The following SLC29A1 variants were observed in gnomAD, a reference collection of about 807,000 sequenced individuals.
The protein encoded by SLC29A1 is equilibrative nucleoside transporter 1.
SLC29A1 carries 22 observed loss-of-function variants against 48.3 expected under a neutral mutation model. The observed-to-expected ratio is 0.46, with a 90% CI of 0.33 to 0.65. SLC29A1 has a LOEUF of 0.65. Ranked by LOEUF, SLC29A1 falls within the 30% of genes least tolerant of loss-of-function variation. The pLI is 0.03. For missense variants in SLC29A1, 491 were observed against 575.3 expected (o/e 0.85, Z 1.50); for synonymous variants, 228 against 231.0 (o/e 0.99, Z 0.12).
rs1561874128 is a variant in SLC29A1, at chr6:44,223,833, G to C, written c.-52+192G>C. The C allele has an allele frequency of 1.0e-6, 1 of 1,004,084 alleles. No homozygotes were observed. The highest frequency in any genetic ancestry group is 1.2e-6 in the Non-Finnish European group (1 of 841,598). 62.2% of individuals were successfully genotyped at this position (1,004,084 alleles called of 1,614,324 possible). On this transcript the variant is annotated intron_variant, in intron 1 of 12. Transcript: ENST00000371755. The surrounding 1 kb of genome is among the most constrained non-coding windows in gnomAD (Gnocchi z 5.0). The stretch of plus-strand genomic sequence containing the variant: ...GCGCGCACGGGCCAGGGAGCCTGAG[G>C]ACCCTGCGGGGACCGGGACCCAAGC...
intron 1 of SLC29A1, chr6:44,226,216 C>A: frequency 1.5e-6 from 1 of 656,492 alleles, no homozygotes; most frequent in Non-Finnish European, 1.9e-6. Flanking sequence ...TCACCCCAAA[C>A]AGCAAGGCCT....
At position 44,229,317 on chromosome 6, in the gene SLC29A1, G is replaced by T; in HGVS notation, c.30-73G>T. 8.4e-7 allele frequency: 1 copy of T among 1,192,200 alleles called. No individual in the cohort carries two copies. Among genetic ancestry groups the T allele is most frequent in the East Asian group, 2.3e-5 (1 of 42,956 alleles). 73.9% of individuals were successfully genotyped at this position (1,192,200 alleles called of 1,614,324 possible). On this transcript the variant is annotated intron_variant, in intron 2 of 12. Coordinates refer to ENST00000371755, the MANE Select transcript of SLC29A1 (RefSeq NM_001372327.1). The surrounding 1 kb of genome is among the most constrained non-coding windows in gnomAD (Gnocchi z 5.1). ...CTAGAGAGACTGACAACGGACAGGG[G>T]CTTTCCTGGGGCTCATTGTGGAGTG...
chr6:44,220,894 T>C (rs781216994), upstream of SLC29A1, among the ~76,000 whole-genome samples: 1 of 152,080 alleles, frequency 6.6e-6, no homozygotes, highest in Non-Finnish European at 1.5e-5. Context: ...TTTGTTTGTG[T>C]TTTCAGACAA....
At chr6:44,227,417 T>G in intron 2 of SLC29A1, 75 bp downstream of exon 2, 2 of 1,350,456 alleles carry the variant, frequency 1.5e-6, no homozygotes, top group Non-Finnish European at 2.1e-6. Context: ...CCTTTGGAAT[T>G]GGGGGTTGCC....
Position 44,227,123 on chromosome 6 carries a change from G to A in SLC29A1, c.-51-140G>A, listed in dbSNP as rs575570087. 7 of 1,405,342 alleles carry A rather than the reference G, an allele frequency of 5.0e-6. No individual in the cohort carries two copies. The East Asian group carries it at 1.8e-4, about 36-fold the overall frequency. The allele number at this position is 1,405,342 out of a possible 1,614,324, so 87.1% of individuals were successfully genotyped here. ...GGTGGGGGTCAAGTTGAGTCGTCCT[G>A]AGGGGCAGGGTGCAGAGGGGGTCTT... On this transcript the variant is annotated intron_variant, in intron 1 of 12. Coordinates refer to ENST00000371755, the MANE Select transcript of SLC29A1 (RefSeq NM_001372327.1).
chr6:44,223,670 T>TGGGGACTG lies in SLC29A1; in HGVS notation c.-52+30_-52+37dup, dbSNP rs914112109. 6.0e-6 allele frequency: 7 copies of TGGGGACTG among 1,167,224 alleles called. No homozygotes were observed. The African/African-American group carries it at 1.0e-4, about 17-fold the overall frequency. The allele number at this position is 1,167,224 out of a possible 1,614,324, so 72.3% of individuals were successfully genotyped here. A position where few individuals can be genotyped will look rare whatever the true frequency, so the allele number is the denominator to read the frequency against. ...CTGCCCGGGGCCGGGGACTGGGGAC[T>TGGGGACTG]GGGGACTGCCGGGGCGGAAGACGCC... On this transcript the variant is annotated intron_variant, in intron 1 of 12. Coordinates refer to ENST00000371755, the MANE Select transcript of SLC29A1 (RefSeq NM_001372327.1). This position sits in a 1 kb window ranked among gnomAD's most constrained non-coding sequence, Gnocchi z 5.0.
Position 44,226,900 on chromosome 6 carries a change from C to G in SLC29A1, c.-51-363C>G, listed in dbSNP as rs532699826. 1.7e-5 allele frequency: 18 copies of G among 1,059,478 alleles called. No homozygotes were observed. In the South Asian group the frequency reaches 5.2e-4, roughly 30 times the overall value. 65.6% of individuals were successfully genotyped at this position (1,059,478 alleles called of 1,614,324 possible). ...TGACCCCTCTCGTCCTCTTGCCTGCCTTCTTTGACTGTCTTTCCCTCCCTC... is the reference window on the plus strand; with the variant it reads ...TGACCCCTCTCGTCCTCTTGCCTGCGTTCTTTGACTGTCTTTCCCTCCCTC... On this transcript the variant is annotated intron_variant, in intron 1 of 12. Transcript: ENST00000371755.
intron 7 of SLC29A1, 44 bp downstream of exon 7, chr6:44,230,709 G>C: frequency 6.7e-7 from 1 of 1,492,390 alleles, no homozygotes; most frequent in Non-Finnish European, 9.3e-7. Context: ...TAGGGGTCTG[G>C]GGTTCCAGAC....
chr6:44,227,172 TCTGTC>T, intron 1 of SLC29A1, 86 bp from the exon 2 acceptor site: 1 of 1,429,862 alleles, frequency 7.0e-7, no homozygotes, highest in Non-Finnish European at 9.5e-7. Flanking sequence ...ACTGGCCTGT[TCTGTC>T]AGCCCTGCCC....
In SLC29A1 at chr6:44,229,637, G is replaced by A. The variant is rs1001050046; in HGVS notation, c.160G>A (p.Ala54Thr). The change falls in exon 4 of 13, where the codon GCT becomes ACT. Residue 54 changes from alanine to threonine, a missense_variant. Coordinates refer to ENST00000371755, the MANE Select transcript of SLC29A1 (RefSeq NM_001372327.1). The surrounding 1 kb of genome is among the most constrained non-coding windows in gnomAD (Gnocchi z 5.1). ...DMSQNVSLVT[A>T]ELSKDAQASA... ...GTCCCAGAATGTGTCCTTGGTCACTGCTGAACTGAGCAAGGACGCCCAGGC... is the reference window on the plus strand; with the variant it reads ...GTCCCAGAATGTGTCCTTGGTCACTACTGAACTGAGCAAGGACGCCCAGGC... 3.1e-6 allele frequency: 5 copies of A among 1,614,052 alleles called. No individual in the cohort carries two copies. In the African/African-American group the frequency reaches 6.7e-5, roughly 22 times the overall value.
chr6:44,230,528 AG>A, intron 6 of SLC29A1, 39 bp from the exon 7 acceptor site: 1 of 1,613,882 alleles, frequency 6.2e-7, no homozygotes, highest in Non-Finnish European at 8.5e-7. Flanking sequence ...TGGTGGGGAG[AG>A]GGGATGGGGC....
At position 44,223,811 on chromosome 6, in the gene SLC29A1, C is replaced by T. The variant is rs559788782; in HGVS notation, c.-52+170C>T. 4 of 1,017,072 alleles carry T rather than the reference C, an allele frequency of 3.9e-6. No homozygotes were observed. The South Asian group carries it at 9.9e-5, about 25-fold the overall frequency. The allele number at this position is 1,017,072 out of a possible 1,614,324, so 63.0% of individuals were successfully genotyped here. A position where few individuals can be genotyped will look rare whatever the true frequency, so the allele number is the denominator to read the frequency against. On this transcript the variant is annotated intron_variant, in intron 1 of 12. Transcript: ENST00000371755. The surrounding 1 kb of genome is among the most constrained non-coding windows in gnomAD (Gnocchi z 5.0). ...GTGCGGAGCCGCGCAGCACGTGGCG[C>T]GCACGGGCCAGGGAGCCTGAGGACC...
Position 44,232,252 on chromosome 6 carries a change from T to C in SLC29A1, c.974-91T>C. ...TGGGCTGGAAGCATCTTCTCCATTT[T>C]ACTGTTGGGGAAGCTGAGGCCCAGT... On this transcript the variant is annotated intron_variant, in intron 10 of 12. Transcript: ENST00000371755. This position sits in a 1 kb window ranked among gnomAD's most constrained non-coding sequence, Gnocchi z 4.7. 2 of 1,167,280 alleles carry C rather than the reference T, an allele frequency of 1.7e-6. No homozygotes were observed. The highest frequency in any genetic ancestry group is 2.6e-6 in the Non-Finnish European group (2 of 773,438). The allele number at this position is 1,167,280 out of a possible 1,614,324, so 72.3% of individuals were successfully genotyped here.
rs1457596923 is a variant in SLC29A1, at chr6:44,229,231, C to CCA, written c.30-155_30-154dup. 6.6e-6 allele frequency among the ~76,000 whole-genome samples: 1 copy of CCA among 152,198 alleles called. No individual in the cohort carries two copies. Among genetic ancestry groups the CCA allele is most frequent in the African/African-American group, 2.4e-5 (1 of 41,442 alleles). ...ACGAGCAATGTACCCTTTTCTCCCC[C>CCA]CACACCCATAAGAGGACACATGCAA... is the stretch of plus-strand genomic sequence containing the variant. On this transcript the variant is annotated intron_variant, in intron 2 of 12. Transcript: ENST00000371755. The surrounding 1 kb of genome is among the most constrained non-coding windows in gnomAD (Gnocchi z 5.1).
rs372912851 is a variant in SLC29A1, at chr6:44,229,887, C to T, written c.315-20C>T. Reference sequence around the variant, plus strand: ...CAGCTTTGCCCACTTGTCTCTGCCACCCTTGGCCTCTCCCGGCAGGATCCC... The same window carrying T: ...CAGCTTTGCCCACTTGTCTCTGCCATCCTTGGCCTCTCCCGGCAGGATCCC... On this transcript the variant is annotated intron_variant, in intron 4 of 12. Transcript: ENST00000371755. The surrounding 1 kb of genome is among the most constrained non-coding windows in gnomAD (Gnocchi z 5.1). 11 of 1,612,602 alleles carry T rather than the reference C, an allele frequency of 6.8e-6. No individual in the cohort carries two copies. In the African/African-American group the frequency reaches 8.0e-5, roughly 12 times the overall value.
chr6:44,230,323 C>A (rs377614814), intron 5 of SLC29A1, 24 bp from the exon 6 acceptor site: 2 of 1,602,398 alleles, frequency 1.2e-6, no homozygotes, highest in Non-Finnish European at 1.7e-6. Flanking sequence ...AGCTCCCCTG[C>A]TCATGCCCGC....
intron 12 of SLC29A1, 29 bp downstream of exon 12, chr6:44,233,035 G>C: frequency 6.2e-7 from 1 of 1,602,158 alleles, no homozygotes; most frequent in Non-Finnish European, 8.5e-7. Context: ...GAACTTGGTG[G>C]CATCAGACAG....
At chr6:44,227,206 T>A in intron 1 of SLC29A1, 57 bp from the exon 2 acceptor site, 7 of 1,540,972 alleles carry the variant, frequency 4.5e-6, no homozygotes, top group Non-Finnish European at 6.2e-6. Context: ...CCTAAGAGCC[T>A]GAGGAGGCCT....
intron 5 of SLC29A1, 140 bp downstream of exon 5, chr6:44,230,186 G>A: frequency 6.9e-7 from 1 of 1,454,894 alleles, no homozygotes; most frequent in South Asian, 1.2e-5. Context: ...GGATTCAGAG[G>A]CCTGAGTGGG....
Sources: allele counts gnomAD v4.1 joint callset (sites outside exome capture counted in the v4.1 genomes callset), GRCh38; gene constraint gnomAD v4.1.1; non-coding constraint Gnocchi (gnomAD v3.1); transcripts MANE v1.5; gene names NCBI Gene and HGNC (gene_info 2026-07-23, HGNC 2026-07-21).